EDIL3: variants seen among roughly 807,000 people sequenced by gnomAD.
EDIL3 encodes EGF-like repeat and discoidin I-like domain-containing protein 3.
In EDIL3, 37 loss-of-function variants were observed where a neutral mutation model predicts 67.4. The ratio of observed to expected loss-of-function variants is 0.55; its 90% CI spans 0.42 to 0.72. The LOEUF is 0.72. Ranked by LOEUF, EDIL3 falls within the 30% of genes least tolerant of loss-of-function variation. The probability of loss-of-function intolerance (pLI) is 0.00; values close to 1 mark genes in which losing one functional copy is unlikely to be tolerated. For missense variants in EDIL3, 527 were observed against 586.3 expected, an observed-to-expected ratio of 0.90 and a Z score of 1.04; for synonymous variants, 195 against 196.3, an observed-to-expected ratio of 0.99 and a Z score of 0.05.
At chr5:84,180,732 C>T (rs959842289) in intron 3 of EDIL3, among the ~76,000 whole-genome samples, 1 of 152,188 alleles carries the variant, frequency 6.6e-6, no homozygotes, top group Non-Finnish European at 1.5e-5. Flanking sequence ...GAGAGATTTA[C>T]TTACCTTCTC....
chr5:84,204,763 C>A (rs1056539989), intron 3 of EDIL3, among the ~76,000 whole-genome samples: 3 of 149,628 alleles, frequency 2.0e-5, no homozygotes, highest in Non-Finnish European at 3.0e-5. Flanking sequence ...TTCTATTATG[C>A]CCCTTTACAA....
intron 4 of EDIL3, among the ~76,000 whole-genome samples, chr5:84,173,416 G>A (rs1324609351): frequency 6.6e-6 from 1 of 152,096 alleles, no homozygotes; most frequent in African/African-American, 2.4e-5. Context: ...GGCTTTTCAG[G>A]TAGCCTGTAT....
intron 3 of EDIL3, among the ~76,000 whole-genome samples, chr5:84,222,207 T>C (rs928226929): frequency 5.3e-5 from 8 of 151,946 alleles, no homozygotes; most frequent in African/African-American, 1.9e-4. Context: ...GTTTCCTGTA[T>C]GTATACACAA....
rs561094541 is a variant in EDIL3 at position 84,064,926 on chromosome 5, G to A, written c.808-82C>T. The stretch of plus-strand genomic sequence containing the variant: ...ATATTTACCCTATCTATACCTTATC[G>A]AAAATAATTGTTCGAAGAACAGATT... On this transcript the variant is annotated intron_variant, in intron 7 of 10. Coordinates refer to ENST00000296591, the MANE Select transcript of EDIL3 (RefSeq NM_005711.5). 366 of 1,420,788 alleles carry A rather than the reference G, an allele frequency of 2.6e-4. 2 individuals carry two copies. The highest frequency in any genetic ancestry group is 9.8e-4 in the Admixed American group (39 of 39,858). 88.0% of individuals were successfully genotyped at this position (1,420,788 alleles called of 1,614,324 possible).
chr5:84,109,518 A>G (rs1000874342), intron 5 of EDIL3, among the ~76,000 whole-genome samples: 5 of 152,126 alleles, frequency 3.3e-5, no homozygotes, highest in Non-Finnish European at 5.9e-5. Context: ...AAAACAAAAC[A>G]AAACAAAAAA....
At chr5:84,302,236 T>C (rs1321855137) in intron 1 of EDIL3, among the ~76,000 whole-genome samples, 1 of 152,184 alleles carries the variant, frequency 6.6e-6, no homozygotes, top group Non-Finnish European at 1.5e-5. Flanking sequence ...GCAGCTTACA[T>C]TAGCACATTC....
At chr5:84,325,093 C>T (rs1023958009) in intron 1 of EDIL3, among the ~76,000 whole-genome samples, 2 of 151,726 alleles carry the variant, frequency 1.3e-5, no homozygotes, top group African/African-American at 4.8e-5. Context: ...TTGGACATGA[C>T]ATGAAAGGCA....
At chr5:84,241,379 A>G (rs1488273658) in intron 2 of EDIL3, among the ~76,000 whole-genome samples, 1 of 152,228 alleles carries the variant, frequency 6.6e-6, no homozygotes, top group African/African-American at 2.4e-5. Context: ...GTGCTATCAT[A>G]AATTCCAACT....
intron 1 of EDIL3, among the ~76,000 whole-genome samples, chr5:84,320,244 G>T (rs997662577): frequency 1.3e-5 from 2 of 152,062 alleles, no homozygotes; most frequent in Non-Finnish European, 2.9e-5. Context: ...GTTCAATAAA[G>T]TATACTGATT....
At chr5:84,176,202 T>TA (rs1479190616) in intron 4 of EDIL3, among the ~76,000 whole-genome samples, 2 of 10,100 alleles carry the variant, frequency 2.0e-4, no homozygotes, top group African/African-American at 4.0e-4. Context: ...ATATATAATA[T>TA]ATATATATAT....
At chr5:84,000,616 C>T (rs989646173) in intron 9 of EDIL3, among the ~76,000 whole-genome samples, 2 of 151,146 alleles carry the variant, frequency 1.3e-5, no homozygotes, top group Non-Finnish European at 2.9e-5. Context: ...AAGAAAATCA[C>T]TCACAAAATG....
At chr5:84,267,935 G>A (rs1475212094) in intron 1 of EDIL3, among the ~76,000 whole-genome samples, 2 of 152,058 alleles carry the variant, frequency 1.3e-5, no homozygotes, top group Non-Finnish European at 2.9e-5. Flanking sequence ...TCAGGAGTTC[G>A]AGGCCAGCCT....
intron 9 of EDIL3, among the ~76,000 whole-genome samples, chr5:84,057,780 T>C (rs1042326924): frequency 2.0e-5 from 3 of 152,162 alleles, no homozygotes; most frequent in African/African-American, 7.2e-5. Flanking sequence ...ATTTTTTGAA[T>C]GAATCATTCA....
intron 1 of EDIL3, among the ~76,000 whole-genome samples, chr5:84,301,343 T>C (rs1295941503): frequency 6.7e-6 from 1 of 149,416 alleles, no homozygotes; most frequent in African/African-American, 2.5e-5. Context: ...AAAAGTCAAA[T>C]GCAAACTCCT....
intron 1 of EDIL3, among the ~76,000 whole-genome samples, chr5:84,382,425 T>G (rs977043173): frequency 4.0e-5 from 6 of 151,114 alleles, no homozygotes; most frequent in Non-Finnish European, 8.9e-5. Flanking sequence ...CGCGGCCACA[T>G]AGGCAAGCGC....
chr5:84,090,955 A>C (rs79189142), intron 6 of EDIL3, among the ~76,000 whole-genome samples: 2 of 69,836 alleles, frequency 2.9e-5, no homozygotes, highest in Non-Finnish European at 7.2e-5. Context: ...TCAAAAAAAC[A>C]AAAAAAAAAA....
chr5:83,954,856 C>T (rs1029082865), intron 10 of EDIL3, among the ~76,000 whole-genome samples: 15 of 151,776 alleles, frequency 9.9e-5, no homozygotes, highest in African/African-American at 3.6e-4. Flanking sequence ...ATTCAAAATG[C>T]TAATTTTCTC....
intron 3 of EDIL3, among the ~76,000 whole-genome samples, chr5:84,217,658 C>A (rs1467087769): frequency 6.6e-6 from 1 of 151,450 alleles, no homozygotes; most frequent in Non-Finnish European, 1.5e-5. Flanking sequence ...TGCCAGCACT[C>A]AAAATCACAT....
chr5:84,337,432 T>G (rs1461801552), intron 1 of EDIL3, among the ~76,000 whole-genome samples: 1 of 152,144 alleles, frequency 6.6e-6, no homozygotes, highest in Non-Finnish European at 1.5e-5. Flanking sequence ...GGTAGTTACA[T>G]CCTCAAATTA....
Sources: allele counts gnomAD v4.1 joint callset (sites outside exome capture counted in the v4.1 genomes callset), GRCh38; gene constraint gnomAD v4.1.1; transcripts MANE v1.5; gene names NCBI Gene and HGNC (gene_info 2026-07-23, HGNC 2026-07-21).